Variants in CSMD3 observed in about 807,000 individuals in gnomAD.
CSMD3 encodes the protein CUB and sushi domain-containing protein 3.
A neutral mutation model predicts 435.2 loss-of-function variants in CSMD3; 177 were observed. The observed-to-expected ratio is 0.41, with a 90% CI of 0.36 to 0.46. The LOEUF is 0.46. Ranked by LOEUF, CSMD3 falls within the 20% of genes least tolerant of loss-of-function variation. CSMD3 has a pLI of 0.34. For synonymous variants in CSMD3, 1,656 were observed against 1,520.5 expected, an observed-to-expected ratio of 1.09 and a Z score of -2.07; for missense variants, 4,265 against 4,504.6, an observed-to-expected ratio of 0.95 and a Z score of 1.52.
At chr8:112,587,272 A>G (rs753797198) in intron 22 of CSMD3, 37 bp from the exon 23 acceptor site, 3 of 1,447,126 alleles carry the variant, frequency 2.1e-6, no homozygotes, top group Non-Finnish European at 1.9e-6. Context: ...ACAGTTTAAT[A>G]GATAGCAGTA....
intron 4 of CSMD3, among the ~76,000 whole-genome samples, chr8:113,132,105 T>G (rs2131687068): frequency 6.6e-6 from 1 of 152,272 alleles, no homozygotes; most frequent in Admixed American, 6.5e-5. Flanking sequence ...ATTTACCCAA[T>G]GCCTGTACCT....
intron 4 of CSMD3, among the ~76,000 whole-genome samples, chr8:113,173,321 T>G (rs1425826139): frequency 6.6e-6 from 1 of 152,084 alleles, no homozygotes; most frequent in Non-Finnish European, 1.5e-5. Flanking sequence ...CTTTAGGTTT[T>G]TGTTTTGTTT....
intron 24 of CSMD3, 85 bp downstream of exon 24, chr8:112,573,416 T>C: frequency 9.0e-7 from 1 of 1,108,106 alleles, no homozygotes; most frequent in South Asian, 1.2e-5. Flanking sequence ...AAATATTGGA[T>C]ATCATTTCAA....
At chr8:113,218,365 C>T (rs989885844) in intron 3 of CSMD3, among the ~76,000 whole-genome samples, 23 of 149,594 alleles carry the variant, frequency 1.5e-4, no homozygotes, top group Admixed American at 3.4e-4. Flanking sequence ...TGTTGTAGTA[C>T]ATTTTACATC....
chr8:112,826,449 C>A, intron 12 of CSMD3, among the ~76,000 whole-genome samples: 1 of 134,756 alleles, frequency 7.4e-6, no homozygotes, highest in African/African-American at 2.8e-5. Context: ...ACCCTAGGCC[C>A]TGGTGGCGTG....
chr8:112,951,248 A>G (rs914535231), intron 8 of CSMD3, among the ~76,000 whole-genome samples: 2 of 151,820 alleles, frequency 1.3e-5, no homozygotes, highest in African/African-American at 4.8e-5. Context: ...CATTGATGCA[A>G]TTGGACAGAT....
chr8:112,316,530 C>T (rs1440077449), intron 47 of CSMD3, among the ~76,000 whole-genome samples: 1 of 151,690 alleles, frequency 6.6e-6, no homozygotes. Context: ...TCTATTCTCA[C>T]ATTATCTAAC....
intron 3 of CSMD3, among the ~76,000 whole-genome samples, chr8:113,239,687 T>C (rs1400857196): frequency 3.3e-5 from 5 of 152,124 alleles, no homozygotes; most frequent in African/African-American, 1.2e-4. Context: ...GTTTGGAGTT[T>C]CGTGGTAGTA....
intron 24 of CSMD3, among the ~76,000 whole-genome samples, chr8:112,566,225 A>G (rs2131271300): frequency 6.6e-6 from 1 of 152,170 alleles, no homozygotes; most frequent in East Asian, 1.9e-4. Context: ...TCTCAGTTCA[A>G]TTTCCATGTC....
chr8:112,855,840 C>A (rs2080642442), intron 11 of CSMD3, among the ~76,000 whole-genome samples: 1 of 130,754 alleles, frequency 7.6e-6, no homozygotes. Context: ...GTCTCAAGAT[C>A]TGTCCCTGAG....
rs201633251 is a variant in CSMD3, at chr8:112,718,519, A to G, written c.1973-28469T>C. 8.4e-3 allele frequency among the ~76,000 whole-genome samples: 1,229 copies of G among 146,442 alleles called. 14 individuals carry two copies. Among genetic ancestry groups the G allele is most frequent in the African/African-American group, 0.026 (1,029 of 40,106 alleles). On this transcript the variant is annotated intron_variant, in intron 13 of 70. Transcript: ENST00000297405. ...CCTATGTGTGTGTATATATATGTAT[A>G]TATATATATATATATATGCATAAAG...
chr8:112,442,676 C>T (rs775220238), intron 32 of CSMD3, among the ~76,000 whole-genome samples: 29 of 152,152 alleles, frequency 1.9e-4, no homozygotes, highest in Non-Finnish European at 3.7e-4. Flanking sequence ...ATTCTCTGAA[C>T]TCAACTCCCT....
intron 3 of CSMD3, among the ~76,000 whole-genome samples, chr8:113,218,134 C>T (rs1281746541): frequency 7.4e-5 from 11 of 148,118 alleles, no homozygotes; most frequent in East Asian, 2.0e-4. Flanking sequence ...ATATTGGGGA[C>T]GATATAAAGC....
chr8:112,377,664 T>C (rs1829071433), intron 38 of CSMD3, among the ~76,000 whole-genome samples: 1 of 152,112 alleles, frequency 6.6e-6, no homozygotes, highest in African/African-American at 2.4e-5. Context: ...AAGAGGAATT[T>C]ATTCCTGGGA....
intron 1 of CSMD3, among the ~76,000 whole-genome samples, chr8:113,328,015 G>A (rs879739296): frequency 5.9e-5 from 9 of 152,066 alleles, no homozygotes; most frequent in Non-Finnish European, 1.3e-4. Flanking sequence ...TAAAAAATAA[G>A]TGAAAGCTAA....
chr8:113,031,717 T>A (rs536532123), intron 5 of CSMD3, among the ~76,000 whole-genome samples: 7 of 151,866 alleles, frequency 4.6e-5, no homozygotes, highest in African/African-American at 1.7e-4. Flanking sequence ...TTTCTTGTTG[T>A]AATATTGTGC....
chr8:112,384,964 T>C (rs1197923875), intron 36 of CSMD3, among the ~76,000 whole-genome samples: 2 of 152,224 alleles, frequency 1.3e-5, no homozygotes, highest in Admixed American at 1.3e-4. Context: ...AAGCTGAAGA[T>C]ATTGAGTTAT....
chr8:113,073,881 T>C (rs1183374975), intron 5 of CSMD3, among the ~76,000 whole-genome samples: 2 of 151,844 alleles, frequency 1.3e-5, no homozygotes, highest in Non-Finnish European at 3.0e-5. Context: ...CTCTAAAATT[T>C]AGCTGAAATA....
At chr8:112,744,864 A>G (rs2077392712) in intron 13 of CSMD3, among the ~76,000 whole-genome samples, 1 of 152,142 alleles carries the variant, frequency 6.6e-6, no homozygotes, top group Non-Finnish European at 1.5e-5. Flanking sequence ...TGGTCTGGCT[A>G]GAGAAGATGA....
Sources: gnomAD v4.1 joint callset for allele counts (sites outside exome capture counted in the v4.1 genomes callset) on GRCh38, gnomAD v4.1.1 for gene constraint, MANE v1.5 for transcripts, NCBI Gene and HGNC (gene_info 2026-07-23, HGNC 2026-07-21) for gene names.